CPEB2: variants seen among roughly 807,000 people sequenced by gnomAD.
CPEB2 encodes cytoplasmic polyadenylation element binding protein 2.
A neutral mutation model predicts 93.6 loss-of-function variants in CPEB2; 56 were observed. The ratio of observed to expected loss-of-function variants is 0.60; its 90% CI spans 0.48 to 0.75. CPEB2 has a LOEUF of 0.75. Among genes scored for constraint, CPEB2 ranks in the 30% least tolerant of loss-of-function variants. The pLI is 0.00. For synonymous variants in CPEB2, 764 were observed against 586.3 expected, an observed-to-expected ratio of 1.30 and a Z score of -4.38; for missense variants, 1,579 against 1,395.1, an observed-to-expected ratio of 1.13 and a Z score of -2.10.
At chr4:15,039,953 G>A (rs1269880567) in intron 5 of CPEB2, among the ~76,000 whole-genome samples, 1 of 152,048 alleles carries the variant, frequency 6.6e-6, no homozygotes, top group Non-Finnish European at 1.5e-5. Flanking sequence ...CAGTTTAATG[G>A]TGGTATATCT....
rs1476536669 is a variant in CPEB2, at chr4:15,007,437, C to A, written c.1795C>A (p.Gln599Lys). Residue 599 changes from glutamine to lysine, a missense_variant, in exon 2 of 12, where the codon CAG (glutamine) becomes AAG (lysine). Transcript: ENST00000538197. ...CATGGGAATCCCAGGAACTATGAAT[C>A]AGATATCTCCATTGAAGAAACCGTT... The part of the protein sequence containing the change: ...GNMGIPGTMN[Q>K]ISPLKKPFSG... 1 of 1,614,114 alleles carries A rather than the reference C, an allele frequency of 6.2e-7. No individual in the cohort carries two copies. Among genetic ancestry groups the A allele is most frequent in the Admixed American group, 1.7e-5 (1 of 60,014 alleles).
intron 4 of CPEB2, chr4:15,017,505 A>C: frequency 3.0e-6 from 1 of 338,008 alleles, no homozygotes. Context: ...TTTACTATTT[A>C]GAGACATGCT....
In CPEB2 at chr4:15,002,958, T is replaced by C; in HGVS notation, c.285T>C (p.Asp95=). The change falls in exon 1 of 12, where the codon GAT becomes GAC. Residue 95 remains aspartate (D), a synonymous_variant. Transcript: ENST00000538197. ...TGGCGCATCAGCAGACCATGCAGGA[T>C]GAGCTGCTTCTGGGGCTGACACAGC... ...PFLAHQQTMQ[D]ELLLGLTQQP... is the part of the protein sequence containing the mutation. 4.0e-6 allele frequency: 6 copies of C among 1,512,798 alleles called. No homozygotes were observed. Among genetic ancestry groups the C allele is most frequent in the Non-Finnish European group, 4.4e-6 (5 of 1,140,566 alleles). The allele number at this position is 1,512,798 out of a possible 1,614,324, so 93.7% of individuals were successfully genotyped here. A position where few individuals can be genotyped will look rare whatever the true frequency, so the allele number is the denominator to read the frequency against.
rs2109121872 is a variant in CPEB2 at position 15,066,973 on chromosome 4, G to T, written c.*593G>T. ...ACATTTTTAATCACAAGCTGTATTA[G>T]CTTTGCTGCTATATAGGTGTTATGT... On this transcript the variant is annotated 3_prime_UTR_variant, in exon 12 of 12. Transcript: ENST00000538197. 6.5e-6 allele frequency: 1 copy of T among 153,514 alleles called. No homozygotes were observed. The highest frequency in any genetic ancestry group is 6.5e-5 in the Admixed American group (1 of 15,400). The allele number at this position is 153,514 out of a possible 1,614,324, so 9.5% of individuals were successfully genotyped here.
chr4:15,054,100 C>T lies in CPEB2; in HGVS notation c.2372-28C>T, dbSNP rs113276404. ...TAGAACGAATCACTGAAACTAATTTCTAATGTGTATTATTGTACTTTCTTA... is the reference window on the plus strand; with the variant it reads ...TAGAACGAATCACTGAAACTAATTTTTAATGTGTATTATTGTACTTTCTTA... On this transcript the variant is annotated intron_variant, in intron 7 of 11. Coordinates refer to ENST00000538197, the MANE Select transcript of CPEB2 (RefSeq NM_001177382.2). The T allele has an allele frequency of 6.8e-6, 10 of 1,470,280 alleles. No homozygotes were observed. The South Asian group carries it at 1.2e-4, about 18-fold the overall frequency. The allele number at this position is 1,470,280 out of a possible 1,614,324, so 91.1% of individuals were successfully genotyped here. A position where few individuals can be genotyped will look rare whatever the true frequency, so the allele number is the denominator to read the frequency against.
intron 6 of CPEB2, among the ~76,000 whole-genome samples, chr4:15,043,584 G>C (rs546767997): frequency 2.0e-5 from 3 of 152,080 alleles, no homozygotes; most frequent in African/African-American, 4.8e-5. Flanking sequence ...GGTTGTGAAG[G>C]GAGGCGTGAA....
chr4:15,038,789 A>G (rs1726893127), intron 5 of CPEB2, among the ~76,000 whole-genome samples: 1 of 152,014 alleles, frequency 6.6e-6, no homozygotes, highest in African/African-American at 2.4e-5. Flanking sequence ...AGGTTTCACC[A>G]TATTGGTCAG....
rs1722449581 is a variant in CPEB2, at chr4:15,004,162, G to A, written c.1489G>A (p.Val497Met). The A allele has an allele frequency of 7.2e-7, 1 of 1,392,138 alleles. No individual in the cohort carries two copies. Among genetic ancestry groups the A allele is most frequent in the South Asian group, 1.4e-5 (1 of 72,204 alleles). 86.2% of individuals were successfully genotyped at this position (1,392,138 alleles called of 1,614,324 possible). A position where few individuals can be genotyped will look rare whatever the true frequency, so the allele number is the denominator to read the frequency against. ...GFGGPFSATA[V>M]PPPPPPAMNI... Reference sequence around the variant, plus strand: ...CGGCGGCCCCTTCTCGGCTACCGCTGTGCCCCCTCCGCCGCCGCCCGCCAT... The same window carrying A: ...CGGCGGCCCCTTCTCGGCTACCGCTATGCCCCCTCCGCCGCCGCCCGCCAT... Residue 497 changes from valine to methionine, a missense_variant, in exon 1 of 12, where the codon GTG (valine) becomes ATG (methionine). Around this residue, in one of 2 missense-constraint regions of CPEB2, gnomAD observed 1,411 missense variants for 1,056.0 expected, o/e 1.34. Coordinates refer to ENST00000538197, the MANE Select transcript of CPEB2 (RefSeq NM_001177382.2).
chr4:15,002,539 C>T lies in CPEB2; in HGVS notation c.-135C>T, dbSNP rs1342110298. On this transcript the variant is annotated 5_prime_UTR_variant, in exon 1 of 12. Transcript: ENST00000538197. ...GGTGGTGGGGCCGAAGTCGGTGCCC[C>T]CTGGCTCAGTCACGGTGTCCCTCTC... is the stretch of plus-strand genomic sequence containing the variant. 10 of 687,338 alleles carry T rather than the reference C, an allele frequency of 1.5e-5. No homozygotes were observed. The highest frequency in any genetic ancestry group is 2.4e-5 in the South Asian group (1 of 42,382). The allele number at this position is 687,338 out of a possible 1,614,324, so 42.6% of individuals were successfully genotyped here. A position where few individuals can be genotyped will look rare whatever the true frequency, so the allele number is the denominator to read the frequency against.
intron 5 of CPEB2, among the ~76,000 whole-genome samples, chr4:15,038,102 T>C (rs1227292036): frequency 6.6e-6 from 1 of 152,212 alleles, no homozygotes; most frequent in Non-Finnish European, 1.5e-5. Context: ...GTAATGTAGA[T>C]ACTTGGAATC....
At chr4:15,011,988 G>T (rs1723554943) in intron 3 of CPEB2, among the ~76,000 whole-genome samples, 1 of 151,978 alleles carries the variant, frequency 6.6e-6, no homozygotes, top group African/African-American at 2.4e-5. Flanking sequence ...ATGATAATGT[G>T]GTAAATCATA....
intron 4 of CPEB2, among the ~76,000 whole-genome samples, chr4:15,030,889 T>C (rs1726020890): frequency 6.6e-6 from 1 of 152,130 alleles, no homozygotes; most frequent in Non-Finnish European, 1.5e-5. Context: ...AACTATTTTA[T>C]TACCTGTATC....
At chr4:15,065,827 A>G (rs1013647563) in intron 11 of CPEB2, among the ~76,000 whole-genome samples, 4 of 152,034 alleles carry the variant, frequency 2.6e-5, no homozygotes, top group Admixed American at 2.6e-4. Flanking sequence ...ATGAGGGGAA[A>G]AGGTGTGGAA....
At chr4:15,062,936 A>G (rs1465569231) in intron 11 of CPEB2, among the ~76,000 whole-genome samples, 1 of 152,098 alleles carries the variant, frequency 6.6e-6, no homozygotes, top group Non-Finnish European at 1.5e-5. Flanking sequence ...AAAATAGGGA[A>G]AGACACTAGC....
Position 15,003,355 on chromosome 4 carries a change from C to T in CPEB2, c.682C>T (p.Gln228Ter). ...CCAGCCGGCGCAGCTCGCTCAGCGC[C>T]AGCAGCAACAGCCGCCGCAGCAGTT... is the stretch of plus-strand genomic sequence containing the variant. ...LLQPAQLAQRQQQQPPQQFSL... is the reference protein window; with the variant it reads ...LLQPAQLAQR Residue 228 changes from glutamine (Q) to a stop codon, truncating the protein, a stop_gained, in exon 1 of 12, where the codon CAG (glutamine) becomes TAG (stop). Coordinates refer to ENST00000538197, the MANE Select transcript of CPEB2 (RefSeq NM_001177382.2). LOFTEE classifies it high-confidence loss of function. The T allele has an allele frequency of 4.3e-6, 6 of 1,388,714 alleles. No homozygotes were observed. Among genetic ancestry groups the T allele is most frequent in the Non-Finnish European group, 5.5e-6 (6 of 1,084,234 alleles). The allele number at this position is 1,388,714 out of a possible 1,614,324, so 86.0% of individuals were successfully genotyped here.
At chr4:15,032,848 A>G (rs16891297) in intron 4 of CPEB2, among the ~76,000 whole-genome samples, 15,078 of 152,164 alleles carry the variant, frequency 0.099, 1,549 homozygotes, top group African/African-American at 0.25. Context: ...AATTTGCAAG[A>G]CTAGGATATG....
At chr4:15,028,673 C>T (rs1725741629) in intron 4 of CPEB2, among the ~76,000 whole-genome samples, 1 of 151,564 alleles carries the variant, frequency 6.6e-6, no homozygotes, top group South Asian at 2.1e-4. Context: ...CATGCTATCT[C>T]TTAAAGACCT....
chr4:15,056,592 C>A (rs768454806), intron 8 of CPEB2, among the ~76,000 whole-genome samples: 2 of 152,124 alleles, frequency 1.3e-5, no homozygotes, highest in Non-Finnish European at 2.9e-5. Flanking sequence ...AGACCAGTAT[C>A]CCCAAACCTT....
chr4:15,063,329 GT>G (rs141139959), intron 11 of CPEB2, among the ~76,000 whole-genome samples: 3 of 149,984 alleles, frequency 2.0e-5, no homozygotes, highest in African/African-American at 5.0e-5. Context: ...TGCAGAGTAG[GT>G]TTTTTTTGTT....
Sources: gnomAD v4.1 joint callset for allele counts (sites outside exome capture counted in the v4.1 genomes callset) on GRCh38, gnomAD v4.1.1 for gene constraint, gnomAD v4.1.1 regional missense constraint, MANE v1.5 for transcripts, NCBI Gene and HGNC (gene_info 2026-07-23, HGNC 2026-07-21) for gene names.